SHANK1: variants seen among roughly 807,000 people sequenced by gnomAD.
SHANK1 encodes SH3 and multiple ankyrin repeat domains 1.
Under a neutral mutation model 165.6 loss-of-function variants are expected in SHANK1, and 35 were observed. That is an observed-to-expected ratio of 0.21 (90% CI 0.16 to 0.28). The LOEUF (loss-of-function observed/expected upper bound fraction) is 0.28, where lower values mean the gene tolerates loss of function less well. Among genes scored for constraint, SHANK1 ranks in the 10% least tolerant of loss-of-function variants. The pLI, the probability that SHANK1 is intolerant of heterozygous loss-of-function variation, is 1.00. For synonymous variants in SHANK1, 1,428 were observed against 1,384.8 expected (o/e 1.03, Z -0.69); for missense variants, 2,681 against 3,036.4 (o/e 0.88, Z 2.75).
At chr19:50,687,832 A>AT in intron 18 of SHANK1, 91 bp downstream of exon 18, 1 of 1,530,396 alleles carries the variant, frequency 6.5e-7, no homozygotes, top group East Asian at 2.3e-5. Flanking sequence ...TAGGGAAGGG[A>AT]AGGCCTTGGG....
chr19:50,696,456 C>G (rs959297909), intron 15 of SHANK1, among the ~76,000 whole-genome samples: 1 of 151,636 alleles, frequency 6.6e-6, no homozygotes, highest in South Asian at 2.1e-4. Context: ...AACACAGACA[C>G]GTAGGTTTGG....
chr19:50,709,420 C>T (rs181240651), intron 8 of SHANK1, among the ~76,000 whole-genome samples: 318 of 152,260 alleles, frequency 2.1e-3, no homozygotes, highest in Non-Finnish European at 3.2e-3. Flanking sequence ...GAATTACAGG[C>T]GTGAGCCACT....
chr19:50,715,715 G>T lies in SHANK1; in HGVS notation c.475C>A (p.Arg159=). 1 of 1,614,040 alleles carries T rather than the reference G, an allele frequency of 6.2e-7. No homozygotes were observed. The highest frequency in any genetic ancestry group is 8.5e-7 in the Non-Finnish European group (1 of 1,179,966). Residue 159 remains arginine, a synonymous_variant, in exon 4 of 24, where the codon CGA becomes AGA. Coordinates refer to ENST00000293441, the MANE Select transcript of SHANK1 (RefSeq NM_016148.5). ...VPYLEFRYKT[R]VYKQTNLDEK... is the part of the protein sequence containing the mutation. ...TCCAGGTTGGTCTGTTTGTAAACTC[G>T]GGTCTTGTATCGGAACTGAGGTCAA...
chr19:50,714,305 AAGAG>A lies in SHANK1; in HGVS notation c.532-19_532-16del. On this transcript the variant is annotated splice_polypyrimidine_tract_variant and intron_variant, in intron 4 of 23. Transcript: ENST00000293441. ...TTCAACCCCGTCTGAGCCATGGGCA[AAGAG>A]AGAGAAGACAGGACAGTCAGGAGCA... The A allele has an allele frequency of 2.5e-6, 4 of 1,610,652 alleles. No individual in the cohort carries two copies. Among genetic ancestry groups the A allele is most frequent in the Non-Finnish European group, 3.4e-6 (4 of 1,177,084 alleles).
Position 50,707,901 on chromosome 19 carries a change from C to CTT in SHANK1, c.1078-3389_1078-3388dup, listed in dbSNP as rs747914576. Among the ~76,000 whole-genome samples, 52 of 20,236 alleles carry CTT rather than the reference C, an allele frequency of 2.6e-3. 1 individual carries two copies. Among genetic ancestry groups the CTT allele is most frequent in the South Asian group, 0.015 (12 of 784 alleles). The allele number at this position is 20,236 out of a possible 152,430, so 13.3% of individuals were successfully genotyped here. The stretch of plus-strand genomic sequence containing the variant: ...TTTTTCTTTTCTTTTCTTTTCTTTT[C>CTT]TTTTCTTTTCTTTTCTTTTCTTTTC... On this transcript the variant is annotated intron_variant, in intron 8 of 23. Transcript: ENST00000293441.
At chr19:50,715,330 G>A (rs1412422103) in intron 4 of SHANK1, among the ~76,000 whole-genome samples, 2 of 152,080 alleles carry the variant, frequency 1.3e-5, no homozygotes, top group Admixed American at 6.5e-5. Context: ...AGGTGGGGAA[G>A]TAAAGAGGCC....
chr19:50,714,318 C>T (rs763856436), intron 4 of SHANK1, 28 bp from the exon 5 acceptor site: 12 of 1,596,480 alleles, frequency 7.5e-6, no homozygotes, highest in Middle Eastern at 3.3e-4. Flanking sequence ...AGAGAGAAGA[C>T]AGGACAGTCA....
At chr19:50,665,902 A>ATGCCTGTAATCCCAGCTCCT (rs775149350) in intron 23 of SHANK1, among the ~76,000 whole-genome samples, 1 of 135,648 alleles carries the variant, frequency 7.4e-6, no homozygotes. Context: ...GTGTGGTGGC[A>ATGCCTGTAATCCCAGCTCCT]TGGGAGGCTG....
chr19:50,683,278 G>C (rs978115987), intron 21 of SHANK1, among the ~76,000 whole-genome samples: 3 of 152,192 alleles, frequency 2.0e-5, no homozygotes, highest in Non-Finnish European at 4.4e-5. Flanking sequence ...CAATGCACAG[G>C]ACAGGCTTCC....
Position 50,688,818 on chromosome 19 carries a change from A to C in SHANK1, c.2172+26T>G. 1 of 1,601,172 alleles carries C rather than the reference A, an allele frequency of 6.2e-7. No individual in the cohort carries two copies. The highest frequency in any genetic ancestry group is 8.5e-7 in the Non-Finnish European group (1 of 1,173,518). On this transcript the variant is annotated intron_variant, in intron 17 of 23. Coordinates refer to ENST00000293441, the MANE Select transcript of SHANK1 (RefSeq NM_016148.5). This position sits in a 1 kb window ranked among gnomAD's most constrained non-coding sequence, Gnocchi z 6.7. Reference sequence around the variant, plus strand: ...GTCTGGGAACTTGTCACAGGGTCCCAGGGAAGAGAGGGGGCCTGGACTGAC... The same window carrying C: ...GTCTGGGAACTTGTCACAGGGTCCCCGGGAAGAGAGGGGGCCTGGACTGAC...
At position 50,686,197 on chromosome 19, in the gene SHANK1, C is replaced by T. The variant is rs1986326354; in HGVS notation, c.2577+40G>A. ...AGGCTCCAGGTTGGTGTGTGAACCG[C>T]CTCCCCCCTGGCAGTTCCTCCCCAC... On this transcript the variant is annotated intron_variant, in intron 21 of 23. Transcript: ENST00000293441. The surrounding 1 kb of genome is among the most constrained non-coding windows in gnomAD (Gnocchi z 5.7). The T allele has an allele frequency of 2.4e-6, 3 of 1,249,928 alleles. No individual in the cohort carries two copies. In the East Asian group the frequency reaches 7.3e-5, roughly 30 times the overall value. 77.4% of individuals were successfully genotyped at this position (1,249,928 alleles called of 1,614,324 possible). A position where few individuals can be genotyped will look rare whatever the true frequency, so the allele number is the denominator to read the frequency against.
chr19:50,708,650 G>A (rs960627106), intron 8 of SHANK1, among the ~76,000 whole-genome samples: 2 of 152,150 alleles, frequency 1.3e-5, no homozygotes, highest in African/African-American at 4.8e-5. Flanking sequence ...TCATTTGTTC[G>A]AGTCATTCAT....
intron 21 of SHANK1, among the ~76,000 whole-genome samples, chr19:50,685,903 G>A (rs528468155): frequency 2.6e-5 from 4 of 152,102 alleles, no homozygotes; most frequent in African/African-American, 9.6e-5. Context: ...ATTATGCCGG[G>A]GAATCTCCAT....
chr19:50,687,775 C>A, intron 18 of SHANK1, 113 bp from the exon 19 acceptor site: 3 of 1,357,506 alleles, frequency 2.2e-6, no homozygotes, highest in Non-Finnish European at 3.0e-6. Flanking sequence ...CGTGCGGAGC[C>A]CTCCCTGCCT....
chr19:50,705,985 C>T (rs777439934), intron 8 of SHANK1, among the ~76,000 whole-genome samples: 19 of 152,044 alleles, frequency 1.2e-4, no homozygotes, highest in South Asian at 2.1e-4. Context: ...GGCGAAACCC[C>T]GTCTGTACAG....
chr19:50,667,006 C>A lies in SHANK1; in HGVS notation c.4954G>T (p.Ala1652Ser). ...PGDPHPPGPP[A>S]PAAPAPAAPQ... ...GCAGCGGGAGCCGGTGCTGCTGGGG[C>A]AGGCGGGCCTGGTGGATGGGGGTCC... is the stretch of plus-strand genomic sequence containing the variant. Residue 1652 changes from alanine (A) to serine (S), a missense_variant, in exon 23 of 24, where the codon GCC becomes TCC. Physicochemically the swap from Ala to Ser is moderately conservative, Grantham distance 99. Coordinates refer to ENST00000293441, the MANE Select transcript of SHANK1 (RefSeq NM_016148.5). The surrounding 1 kb of genome is among the most constrained non-coding windows in gnomAD (Gnocchi z 5.7). 6.4e-7 allele frequency: 1 copy of A among 1,561,216 alleles called. No homozygotes were observed. The highest frequency in any genetic ancestry group is 8.7e-7 in the Non-Finnish European group (1 of 1,155,362).
rs375419287 is a variant in SHANK1, at chr19:50,686,738, T to C, written c.2458+6A>G. ...CATCCCGAGGAGCAGGGCTGGGCCG[T>C]CTTACTGAGAGCCATCTGATACACG... On this transcript the variant is annotated splice_donor_region_variant and intron_variant, in intron 20 of 23. Coordinates refer to ENST00000293441, the MANE Select transcript of SHANK1 (RefSeq NM_016148.5). The surrounding 1 kb of genome is among the most constrained non-coding windows in gnomAD (Gnocchi z 5.7). 5.6e-6 allele frequency: 9 copies of C among 1,613,050 alleles called. No homozygotes were observed. Among genetic ancestry groups the C allele is most frequent in the Non-Finnish European group, 7.6e-6 (9 of 1,179,524 alleles).
rs1012165028 is a variant in SHANK1 at position 50,667,872 on chromosome 19, G to A, written c.4088C>T (p.Ala1363Val). 4 of 1,316,166 alleles carry A rather than the reference G, an allele frequency of 3.0e-6. No individual in the cohort carries two copies. The South Asian group carries it at 6.4e-5, about 21-fold the overall frequency. The allele number at this position is 1,316,166 out of a possible 1,614,324, so 81.5% of individuals were successfully genotyped here. A position where few individuals can be genotyped will look rare whatever the true frequency, so the allele number is the denominator to read the frequency against. Residue 1363 changes from alanine to valine, a missense_variant, in exon 23 of 24, where the codon GCG becomes GTG. Ala to Val is a moderately conservative substitution (Grantham distance 64). Transcript: ENST00000293441. The surrounding 1 kb of genome is among the most constrained non-coding windows in gnomAD (Gnocchi z 5.7). The part of the protein sequence containing the change: ...LGLALAARER[A>V]LKESSEGGGA... ...GCCGCCCTCCGAGGACTCCTTCAGCGCTCGCTCGCGGGCGGCCAGGGCCAG... is the reference window on the plus strand; with the variant it reads ...GCCGCCCTCCGAGGACTCCTTCAGCACTCGCTCGCGGGCGGCCAGGGCCAG...
intron 6 of SHANK1, among the ~76,000 whole-genome samples, chr19:50,712,446 C>G (rs898744237): frequency 6.6e-6 from 1 of 152,206 alleles, no homozygotes; most frequent in Non-Finnish European, 1.5e-5. Context: ...ATTCCACTTC[C>G]TACAGGTGGG....
Sources: allele counts gnomAD v4.1 joint callset (sites outside exome capture counted in the v4.1 genomes callset), GRCh38; gene constraint gnomAD v4.1.1; non-coding constraint Gnocchi (gnomAD v3.1); transcripts MANE v1.5; gene names NCBI Gene and HGNC (gene_info 2026-07-23, HGNC 2026-07-21).